MCC: variants seen among roughly 807,000 people sequenced by gnomAD.
MCC encodes MCC regulator of Wnt signaling pathway.
Under a neutral mutation model 116.2 loss-of-function variants are expected in MCC, and 90 were observed. The observed-to-expected ratio is 0.77, with a 90% CI of 0.65 to 0.92. The LOEUF (loss-of-function observed/expected upper bound fraction) is 0.92, where lower values mean the gene tolerates loss of function less well. Ranked by LOEUF, MCC falls within the 40% of genes least tolerant of loss-of-function variation. The pLI is 0.00. For missense variants in MCC, 1,516 were observed against 1,312.2 expected (o/e 1.16, Z -2.40); for synonymous variants, 578 against 510.5 (o/e 1.13, Z -1.78).
intron 1 of MCC, among the ~76,000 whole-genome samples, chr5:113,421,531 A>G (rs1770333941): frequency 6.6e-6 from 1 of 152,204 alleles, no homozygotes; most frequent in African/African-American, 2.4e-5. Context: ...TACGATTCTA[A>G]TAAGGCATCA....
At chr5:113,214,192 C>T (rs562125159) in intron 3 of MCC, among the ~76,000 whole-genome samples, 106 of 152,334 alleles carry the variant, frequency 7.0e-4, no homozygotes, top group African/African-American at 2.5e-3. Flanking sequence ...TCCTGGGCTA[C>T]GGCCAATGCC....
At chr5:113,263,503 A>G (rs1173912526) in intron 3 of MCC, among the ~76,000 whole-genome samples, 1 of 152,210 alleles carries the variant, frequency 6.6e-6, no homozygotes, top group Non-Finnish European at 1.5e-5. Flanking sequence ...AATTGGTACC[A>G]TTAAAACATG....
At chr5:113,131,535 T>A (rs1043361571) in intron 5 of MCC, among the ~76,000 whole-genome samples, 1 of 152,206 alleles carries the variant, frequency 6.6e-6, no homozygotes, top group Non-Finnish European at 1.5e-5. Context: ...GAAAACAAAC[T>A]GCACTGCATG....
chr5:113,232,472 G>C (rs1020965051), intron 3 of MCC, among the ~76,000 whole-genome samples: 1 of 152,036 alleles, frequency 6.6e-6, no homozygotes, highest in African/African-American at 2.4e-5. Context: ...CAGCTTTCAG[G>C]CATCTCCAAA....
At chr5:113,251,550 G>A (rs1368426645) in intron 3 of MCC, among the ~76,000 whole-genome samples, 1 of 152,296 alleles carries the variant, frequency 6.6e-6, no homozygotes, top group East Asian at 1.9e-4. Flanking sequence ...TCTGGACTGA[G>A]GGATAGGGGC....
intron 3 of MCC, among the ~76,000 whole-genome samples, chr5:113,327,561 A>AATATATATATATATATATATATAT (rs869214073): frequency 4.3e-4 from 35 of 80,532 alleles, no homozygotes; most frequent in Non-Finnish European, 7.9e-4. Flanking sequence ...AAAAAAAAAA[A>AATATATATATATATATATATATAT]ATATATATAT....
intron 3 of MCC, among the ~76,000 whole-genome samples, chr5:113,283,044 G>C (rs114702357): frequency 0.018 from 2,788 of 152,294 alleles, 41 homozygotes; most frequent in Non-Finnish European, 0.027. Context: ...GCTGGGTGTC[G>C]GCCTGTGAAA....
At chr5:113,452,331 C>A (rs1408980659) in intron 1 of MCC, among the ~76,000 whole-genome samples, 1 of 152,136 alleles carries the variant, frequency 6.6e-6, no homozygotes, top group African/African-American at 2.4e-5. Flanking sequence ...GTTTGTGTCC[C>A]CCCCAAATTC....
chr5:113,338,117 T>C (rs1767914710), intron 3 of MCC, among the ~76,000 whole-genome samples: 1 of 152,180 alleles, frequency 6.6e-6, no homozygotes, highest in African/African-American at 2.4e-5. Context: ...TGAATTCAAA[T>C]GGTATTTTTA....
chr5:113,351,562 G>A (rs1348352414), intron 2 of MCC, among the ~76,000 whole-genome samples: 1 of 152,160 alleles, frequency 6.6e-6, no homozygotes, highest in African/African-American at 2.4e-5. Context: ...GGGGGAAGTA[G>A]AGGGGAAGTG....
chr5:113,103,459 C>A (rs1756552231), intron 7 of MCC, among the ~76,000 whole-genome samples: 1 of 152,218 alleles, frequency 6.6e-6, no homozygotes, highest in Non-Finnish European at 1.5e-5. Flanking sequence ...AATTGCTTCT[C>A]CCTGCCCTGA....
At chr5:113,446,078 C>T (rs1771210063) in intron 1 of MCC, among the ~76,000 whole-genome samples, 1 of 152,160 alleles carries the variant, frequency 6.6e-6, no homozygotes, top group Non-Finnish European at 1.5e-5. Flanking sequence ...CTACCTTTCA[C>T]CATATATAAA....
chr5:113,131,915 C>T (rs568108000), intron 5 of MCC, among the ~76,000 whole-genome samples: 1 of 152,264 alleles, frequency 6.6e-6, no homozygotes, highest in African/African-American at 2.4e-5. Context: ...CCCTCTTTAG[C>T]TACTCAGTGA....
chr5:113,374,775 G>A (rs1365298368), intron 2 of MCC, among the ~76,000 whole-genome samples: 3 of 151,906 alleles, frequency 2.0e-5, no homozygotes. Context: ...TGGATCATTT[G>A]AGCCCAGAAG....
chr5:113,392,107 T>C (rs1769417272), intron 1 of MCC, among the ~76,000 whole-genome samples: 1 of 152,136 alleles, frequency 6.6e-6, no homozygotes, highest in Admixed American at 6.5e-5. Flanking sequence ...GGCATGTGCC[T>C]GTAATCCCAG....
rs116036050 is a variant in MCC, at chr5:113,101,198, A to C, written c.1398+541T>G. Among the ~76,000 whole-genome samples the C allele has an allele frequency of 4.2e-3, 640 of 152,280 alleles. 6 individuals are homozygous for C. Among genetic ancestry groups the C allele is most frequent in the African/African-American group, 0.015 (622 of 41,558 alleles). The stretch of plus-strand genomic sequence containing the variant: ...ACAGAGACACACACATAACATGCAC[A>C]CTTAAACAGATGCACATACACACAT... On this transcript the variant is annotated intron_variant, in intron 8 of 18. Transcript: ENST00000408903.
At chr5:113,094,176 C>A (rs1381223368) in intron 8 of MCC, among the ~76,000 whole-genome samples, 3 of 152,038 alleles carry the variant, frequency 2.0e-5, no homozygotes, top group African/African-American at 7.3e-5. Context: ...ATATTTATTT[C>A]TTTCTATAAA....
chr5:113,437,408 C>T (rs1158543432), intron 1 of MCC, among the ~76,000 whole-genome samples: 8 of 152,198 alleles, frequency 5.3e-5, no homozygotes, highest in African/African-American at 1.7e-4. Context: ...TCCTCCATTG[C>T]TCCTTTACCC....
chr5:113,097,893 A>C (rs1184193222), intron 8 of MCC, among the ~76,000 whole-genome samples: 1 of 152,216 alleles, frequency 6.6e-6, no homozygotes, highest in African/African-American at 2.4e-5. Context: ...CAATGAAACC[A>C]GAAGCCAGAC....
Sources: allele counts gnomAD v4.1 joint callset (sites outside exome capture counted in the v4.1 genomes callset), GRCh38; gene constraint gnomAD v4.1.1; transcripts MANE v1.5; gene names NCBI Gene and HGNC (gene_info 2026-07-23, HGNC 2026-07-21).